The following CCDC134 variants were observed in gnomAD, a reference collection of about 807,000 sequenced individuals.
CCDC134 encodes coiled-coil domain containing 134.
CCDC134 carries 27 observed loss-of-function variants against 25.6 expected under a neutral mutation model. The observed-to-expected ratio is 1.05, with a 90% CI of 0.78 to 1.45. The LOEUF is 1.45. Among genes scored for constraint, CCDC134 ranks in the 40% most tolerant of loss-of-function variants. The pLI is 0.00. For missense variants in CCDC134, 261 were observed against 286.7 expected (o/e 0.91, Z 0.65); for synonymous variants, 110 against 115.0 (o/e 0.96, Z 0.28).
At chr22:41,805,047 C>CAACA (rs2076561442) in intron 1 of CCDC134, among the ~76,000 whole-genome samples, 1 of 151,924 alleles carries the variant, frequency 6.6e-6, no homozygotes, top group Non-Finnish European at 1.5e-5. Context: ...CCAGCCTGAG[C>CAACA]AACAGAGTGA....
intron 4 of CCDC134, among the ~76,000 whole-genome samples, chr22:41,811,119 C>T (rs1240222730): frequency 6.6e-6 from 1 of 152,078 alleles, no homozygotes; most frequent in African/African-American, 2.4e-5. Flanking sequence ...CTGCCTGGGC[C>T]CTTTCTGACA....
chr22:41,826,965 G>C lies in CCDC134; in HGVS notation c.*1142G>C, dbSNP rs572586458. ...CACTGACAGAGCACAAGTGAGATCT[G>C]AGTGTTAGCCCTTCAGATTTGCTGA... On this transcript the variant is annotated 3_prime_UTR_variant, in exon 7 of 7. Coordinates refer to ENST00000255784, the MANE Select transcript of CCDC134 (RefSeq NM_024821.5). 6.6e-6 allele frequency among the ~76,000 whole-genome samples: 1 copy of C among 152,264 alleles called. No homozygotes were observed. Among genetic ancestry groups the C allele is most frequent in the Non-Finnish European group, 1.5e-5 (1 of 68,046 alleles).
chr22:41,814,216 A>C (rs556204593), intron 6 of CCDC134, among the ~76,000 whole-genome samples: 4 of 152,116 alleles, frequency 2.6e-5, no homozygotes, highest in Non-Finnish European at 5.9e-5. Flanking sequence ...CTCTCATTCC[A>C]GGGGTTCCAG....
intron 6 of CCDC134, among the ~76,000 whole-genome samples, chr22:41,821,326 T>A (rs561041368): frequency 1.2e-3 from 184 of 151,664 alleles, no homozygotes; most frequent in South Asian, 2.7e-3. Context: ...TTTTTTTTTT[T>A]ATTATTATTA....
chr22:41,820,488 G>A (rs1294731584), intron 6 of CCDC134, among the ~76,000 whole-genome samples: 1 of 152,150 alleles, frequency 6.6e-6, no homozygotes, highest in Non-Finnish European at 1.5e-5. Context: ...GCTGTGTGGA[G>A]CATGGTCGGG....
intron 6 of CCDC134, among the ~76,000 whole-genome samples, chr22:41,815,832 C>T (rs568954741): frequency 5.3e-5 from 8 of 152,002 alleles, no homozygotes; most frequent in African/African-American, 1.9e-4. Flanking sequence ...TTATTTTTTT[C>T]AGAGACAGGT....
chr22:41,810,489 CTT>C (rs960666358), intron 4 of CCDC134, among the ~76,000 whole-genome samples, 198 bp downstream of exon 4: 5 of 86,606 alleles, frequency 5.8e-5, no homozygotes, highest in South Asian at 4.0e-4. Context: ...AATAGCATTT[CTT>C]TTTTTTTTTT....
intron 6 of CCDC134, among the ~76,000 whole-genome samples, chr22:41,824,187 C>T (rs1036221169): frequency 6.6e-6 from 1 of 152,128 alleles, no homozygotes; most frequent in Admixed American, 6.5e-5. Context: ...AGCAGCCCCT[C>T]AGGGAGTCAG....
At chr22:41,820,136 C>T (rs1288078126) in intron 6 of CCDC134, among the ~76,000 whole-genome samples, 3 of 149,660 alleles carry the variant, frequency 2.0e-5, no homozygotes, top group African/African-American at 7.4e-5. Flanking sequence ...GCTGGGACTA[C>T]AGGCACCCAC....
Position 41,831,532 on chromosome 22 carries a change from T to TA in CCDC134, c.*5710dup, listed in dbSNP as rs1432774684. On this transcript the variant is annotated 3_prime_UTR_variant, in exon 7 of 7. Coordinates refer to ENST00000255784, the MANE Select transcript of CCDC134 (RefSeq NM_024821.5). ...GCAATACAGCAGTATGCAAGGCACT[T>TA]ACTGTATGCCAAAGCTTATGCCGAG... 1.3e-5 allele frequency: 2 copies of TA among 152,258 alleles called. No individual in the cohort carries two copies. The highest frequency in any genetic ancestry group is 2.9e-5 in the Non-Finnish European group (2 of 68,038). The allele number at this position is 152,258 out of a possible 1,614,324, so 9.4% of individuals were successfully genotyped here.
In CCDC134 at chr22:41,809,931, C is replaced by A. The variant is rs1364505928; in HGVS notation, c.156C>A (p.Asn52Lys). Residue 52 changes from asparagine to lysine, a missense_variant, in exon 3 of 7, where the codon AAC (asparagine) becomes AAA (lysine). Asn to Lys is a moderately conservative substitution (Grantham distance 94). Transcript: ENST00000255784. The part of the protein sequence containing the change: ...KRREQLLALK[N>K]LAQLNDIHQQ... ...GGGAGCAGCTGTTGGCACTGAAGAA[C>A]CTGGCACAGCTGAACGACATCCACC... is the stretch of plus-strand genomic sequence containing the variant. 1 of 1,614,136 alleles carries A rather than the reference C, an allele frequency of 6.2e-7. No homozygotes were observed. Among genetic ancestry groups the A allele is most frequent in the Admixed American group, 1.7e-5 (1 of 60,006 alleles).
intron 4 of CCDC134, among the ~76,000 whole-genome samples, chr22:41,810,674 T>C (rs1317430557): frequency 6.6e-6 from 1 of 151,852 alleles, no homozygotes; most frequent in Non-Finnish European, 1.5e-5. Flanking sequence ...TTTTGTATTC[T>C]TAATAGAGAC....
In CCDC134 at chr22:41,830,744, G is replaced by C. The variant is rs1039828006; in HGVS notation, c.*4921G>C. Among the ~76,000 whole-genome samples the C allele has an allele frequency of 6.6e-6, 1 of 152,106 alleles. No homozygotes were observed. Among genetic ancestry groups the C allele is most frequent in the Non-Finnish European group, 1.5e-5 (1 of 68,006 alleles). ...TTAAGCAATACTGAAATGCCAAAAA[G>C]AAAGTAAAATTCACTCCAAAAGTAA... On this transcript the variant is annotated 3_prime_UTR_variant, in exon 7 of 7. Coordinates refer to ENST00000255784, the MANE Select transcript of CCDC134 (RefSeq NM_024821.5).
intron 6 of CCDC134, among the ~76,000 whole-genome samples, chr22:41,818,784 C>A (rs1317604999): frequency 1.3e-5 from 2 of 152,222 alleles, no homozygotes; most frequent in African/African-American, 4.8e-5. Flanking sequence ...CAGCCACGGC[C>A]TTCCGTTCTT....
At chr22:41,810,740 C>T (rs1443213287) in intron 4 of CCDC134, among the ~76,000 whole-genome samples, 1 of 152,042 alleles carries the variant, frequency 6.6e-6, no homozygotes, top group African/African-American at 2.4e-5. Context: ...ATGATCCGCC[C>T]ACCTCGGCCT....
chr22:41,814,763 G>A (rs908843570), intron 6 of CCDC134, among the ~76,000 whole-genome samples: 4 of 152,136 alleles, frequency 2.6e-5, no homozygotes, highest in African/African-American at 9.7e-5. Flanking sequence ...GCCTGCTACT[G>A]TTTCATGGAC....
chr22:41,828,226 CTGT>C lies in CCDC134; in HGVS notation c.*2408_*2410del, dbSNP rs2076688640. ...ACCAGCCTGGGCTGTCTCTTGCCAG[CTGT>C]TGTTATCAGAACCAGGCTCTTCACA... On this transcript the variant is annotated 3_prime_UTR_variant, in exon 7 of 7. Transcript: ENST00000255784. Among the ~76,000 whole-genome samples, 1 of 152,188 alleles carries C rather than the reference CTGT, an allele frequency of 6.6e-6. No individual in the cohort carries two copies. Among genetic ancestry groups the C allele is most frequent in the African/African-American group, 2.4e-5 (1 of 41,426 alleles).
rs1328833314 is a variant in CCDC134 at position 41,819,974 on chromosome 22, T to TATATATAA, written c.565-5717_565-5716insAATATATA. ...TGTGACTTACCACTTTATATATATATATATATATATATATATATATATATA... is the reference window on the plus strand; with the variant it reads ...TGTGACTTACCACTTTATATATATATATATATAAATATATATATATATATATATATATA... On this transcript the variant is annotated intron_variant, in intron 6 of 6. Coordinates refer to ENST00000255784, the MANE Select transcript of CCDC134 (RefSeq NM_024821.5). Among the ~76,000 whole-genome samples the TATATATAA allele has an allele frequency of 1.8e-5, 2 of 113,330 alleles. 1 individual carries two copies. The highest frequency in any genetic ancestry group is 6.0e-4 in the South Asian group (2 of 3,342). The allele number at this position is 113,330 out of a possible 152,430, so 74.3% of individuals were successfully genotyped here.
chr22:41,830,464 A>C lies in CCDC134; in HGVS notation c.*4641A>C, dbSNP rs573182279. Among the ~76,000 whole-genome samples the C allele has an allele frequency of 1.9e-4, 29 of 152,276 alleles. 1 individual carries two copies. Among genetic ancestry groups the C allele is most frequent in the African/African-American group, 7.0e-4 (29 of 41,556 alleles). ...ATGGGAGTTGTTGCTGAATCCCCCCAGAGTACCAGTCACACACCAGTGTGA... is the reference window on the plus strand; with the variant it reads ...ATGGGAGTTGTTGCTGAATCCCCCCCGAGTACCAGTCACACACCAGTGTGA... On this transcript the variant is annotated 3_prime_UTR_variant, in exon 7 of 7. Coordinates refer to ENST00000255784, the MANE Select transcript of CCDC134 (RefSeq NM_024821.5).
Sources: gnomAD v4.1 joint callset for allele counts (sites outside exome capture counted in the v4.1 genomes callset) on GRCh38, gnomAD v4.1.1 for gene constraint, MANE v1.5 for transcripts, NCBI Gene and HGNC (gene_info 2026-07-23, HGNC 2026-07-21) for gene names.